ZNF83: variants seen among roughly 807,000 people sequenced by gnomAD.
The protein encoded by ZNF83 is zinc finger protein 83, also known as zinc finger protein 816B.
For synonymous variants in ZNF83, 209 were observed against 213.0 expected, an observed-to-expected ratio of 0.98 and a Z score of 0.17; for missense variants, 552 against 629.9, an observed-to-expected ratio of 0.88 and a Z score of 1.32.
At chr19:52,666,618 CAAAAA>C (rs59937542) in intron 1 of ZNF83, among the ~76,000 whole-genome samples, 1,740 of 105,790 alleles carry the variant, frequency 0.016, 33 homozygotes, top group African/African-American at 0.054. Context: ...TATCCTAAGT[CAAAAA>C]AAAAAAAAAA....
At chr19:52,645,663 T>C (rs329950) in intron 3 of ZNF83, among the ~76,000 whole-genome samples, 17,539 of 151,774 alleles carry the variant, frequency 0.12, 1,656 homozygotes, top group East Asian at 0.4. Flanking sequence ...AAAAATTAGC[T>C]GGGCGTGCTG....
chr19:52,624,207 T>C (rs1011165519), intron 2 of ZNF83, among the ~76,000 whole-genome samples: 2 of 152,206 alleles, frequency 1.3e-5, no homozygotes, highest in South Asian at 2.1e-4. Context: ...TTCTACTCTG[T>C]AGTCCCTACT....
intron 1 of ZNF83, among the ~76,000 whole-genome samples, chr19:52,663,955 C>T (rs62118552): frequency 0.012 from 1,784 of 152,260 alleles, 21 homozygotes; most frequent in Middle Eastern, 0.017. Context: ...TATGCGATCT[C>T]GGCTCACTGC....
chr19:52,644,083 G>C (rs759020933), intron 3 of ZNF83, among the ~76,000 whole-genome samples: 1 of 152,142 alleles, frequency 6.6e-6, no homozygotes, highest in Non-Finnish European at 1.5e-5. Context: ...GGACTGACAT[G>C]ACCTGCTTTA....
At chr19:52,641,969 A>G (rs117117275), upstream of ZNF83, among the ~76,000 whole-genome samples, 2,353 of 152,324 alleles carry the variant, frequency 0.015, 34 homozygotes, top group Non-Finnish European at 0.025. Context: ...ATAATAAATT[A>G]TCACATTCTT....
At chr19:52,633,212 C>T (rs1049938610) in intron 2 of ZNF83, among the ~76,000 whole-genome samples, 7 of 151,904 alleles carry the variant, frequency 4.6e-5, no homozygotes, top group Non-Finnish European at 1.0e-4. Context: ...TGGCCCCCAC[C>T]CCTGCCCACC....
intron 1 of ZNF83, among the ~76,000 whole-genome samples, chr19:52,676,908 T>TA (rs1378154845): frequency 7.3e-6 from 1 of 137,054 alleles, no homozygotes; most frequent in East Asian, 2.0e-4. Flanking sequence ...TGTGCTTTGT[T>TA]AAACAGATGC....
At chr19:52,639,172 T>A (rs1008760943), upstream of ZNF83, among the ~76,000 whole-genome samples, 1 of 151,954 alleles carries the variant, frequency 6.6e-6, no homozygotes, top group African/African-American at 2.4e-5. Flanking sequence ...GCGCGATCTC[T>A]GTCTCCCAGG....
chr19:52,656,763 G>A (rs1212347122), intron 2 of ZNF83, among the ~76,000 whole-genome samples: 5 of 151,560 alleles, frequency 3.3e-5, no homozygotes, highest in Non-Finnish European at 5.9e-5. Context: ...CTACTCAGGA[G>A]GCTGAGGCAG....
chr19:52,666,382 A>G lies in ZNF83; in HGVS notation c.-282-5539T>C, dbSNP rs1007589089. Among the ~76,000 whole-genome samples the G allele has an allele frequency of 5.3e-5, 8 of 152,220 alleles. No homozygotes were observed. The East Asian group carries it at 5.8e-4, about 11-fold the overall frequency. On this transcript the variant is annotated intron_variant, in intron 1 of 5. Coordinates refer to the ZNF83 transcript ENST00000594682. ...AATTGAAGGTCTTCTCCATGACCCT[A>G]TAACACTCCAATACCACCCTGTTGT...
exon 3 of ZNF83, chr19:52,613,456 T>C (rs2060179680): frequency 6.2e-7 from 1 of 1,614,138 alleles, no homozygotes; most frequent in Non-Finnish European, 8.5e-7. Context: ...ATAAGGTTTC[T>C]CACCGGCATG....
chr19:52,687,556 A>AG (rs1312223635), intron 1 of ZNF83, among the ~76,000 whole-genome samples: 3 of 50,550 alleles, frequency 5.9e-5, no homozygotes, highest in South Asian at 5.1e-4. Flanking sequence ...TTATATGTGT[A>AG]AATTTTATAT....
At chr19:52,655,429 A>G in intron 3 of ZNF83, 1 of 861,274 alleles carries the variant, frequency 1.2e-6, no homozygotes, top group Non-Finnish European at 1.8e-6. Context: ...CAGGAGGATC[A>G]TCACTGCAGA....
At chr19:52,678,648 T>C (rs1568581174) in intron 1 of ZNF83, among the ~76,000 whole-genome samples, 1 of 151,938 alleles carries the variant, frequency 6.6e-6, no homozygotes, top group Non-Finnish European at 1.5e-5. Flanking sequence ...CATATCCTCA[T>C]GGAGACACCA....
chr19:52,632,460 G>A (rs2061003729), intron 2 of ZNF83, among the ~76,000 whole-genome samples: 1 of 152,118 alleles, frequency 6.6e-6, no homozygotes, highest in African/African-American at 2.4e-5. Flanking sequence ...AACTTGGACT[G>A]TGCCCCAAAA....
intron 3 of ZNF83, chr19:52,653,345 G>A: frequency 3.3e-6 from 4 of 1,221,608 alleles, no homozygotes; most frequent in African/African-American, 1.5e-5. Context: ...ACTCTCTGAT[G>A]TTGTGCAAGG....
At chr19:52,671,933 T>A (rs770374847) in intron 1 of ZNF83, among the ~76,000 whole-genome samples, 21 of 152,156 alleles carry the variant, frequency 1.4e-4, no homozygotes, top group African/African-American at 2.4e-4. Context: ...TGAAAAAATA[T>A]AACTAAGTTA....
At chr19:52,638,149 A>T (rs2061215776) in intron 1 of ZNF83, among the ~76,000 whole-genome samples, 163 bp downstream of exon 1, 1 of 152,332 alleles carries the variant, frequency 6.6e-6, no homozygotes, top group East Asian at 1.9e-4. Context: ...GGCGACTTTA[A>T]ACCCAAAAGG....
At chr19:52,634,282 CAAT>C (rs56152633) in intron 2 of ZNF83, among the ~76,000 whole-genome samples, 83,353 of 148,446 alleles carry the variant, frequency 0.56, 23,245 homozygotes, top group Middle Eastern at 0.61. Flanking sequence ...AAAGCAACAA[CAAT>C]AATAATAATA....
Sources: gnomAD v4.1 joint callset for allele counts (sites outside exome capture counted in the v4.1 genomes callset) on GRCh38, gnomAD v4.1.1 for gene constraint, MANE v1.5 for transcripts, NCBI Gene and HGNC (gene_info 2026-07-23, HGNC 2026-07-21) for gene names.